The following TUBB2A variants were observed in gnomAD, a reference collection of about 807,000 sequenced individuals.
TUBB2A encodes the protein tubulin beta-2A chain.
In TUBB2A, 7 loss-of-function variants were observed where a neutral mutation model predicts 33.9. The ratio of observed to expected loss-of-function variants is 0.21; its 90% confidence interval spans 0.12 to 0.39. TUBB2A has a LOEUF of 0.39. Among genes scored for constraint, TUBB2A ranks in the 10% least tolerant of loss-of-function variants. TUBB2A has a pLI of 1.00. For synonymous variants in TUBB2A, 187 were observed against 247.6 expected (o/e 0.76, Z 2.30); for missense variants, 80 against 593.4 (o/e 0.13, Z 8.99).
In TUBB2A at chr6:3,153,755, G is replaced by A; in HGVS notation, c.*108C>T. On this transcript the variant is annotated 3_prime_UTR_variant, in exon 4 of 4. Transcript: ENST00000333628. ...AGTTCCACATCATTACATCAACAGTGTGAATTTCTAACAGAGGCAAAACTG... is the reference window on the plus strand; with the variant it reads ...AGTTCCACATCATTACATCAACAGTATGAATTTCTAACAGAGGCAAAACTG... 6.6e-7 allele frequency: 1 copy of A among 1,515,796 alleles called. No homozygotes were observed. The allele number at this position is 1,515,796 out of a possible 1,614,324, so 93.9% of individuals were successfully genotyped here.
In TUBB2A at chr6:3,155,765, G is replaced by C. The variant is rs1285324045; in HGVS notation, c.167-30C>G. The C allele has an allele frequency of 1.3e-6, 2 of 1,570,532 alleles. No homozygotes were observed. Among genetic ancestry groups the C allele is most frequent in the Non-Finnish European group, 1.8e-6 (2 of 1,142,646 alleles). ...AGGAAATAAGAACTGACTCAGGCCTGTGCTTGGGGAGGGACTCACAGCAGC... is the reference window on the plus strand; with the variant it reads ...AGGAAATAAGAACTGACTCAGGCCTCTGCTTGGGGAGGGACTCACAGCAGC... On this transcript the variant is annotated intron_variant, in intron 2 of 3. Transcript: ENST00000333628. The surrounding 1 kb of genome is among the most constrained non-coding windows in gnomAD (Gnocchi z 4.2).
intron 1 of TUBB2A, among the ~76,000 whole-genome samples, chr6:3,157,155 G>A (rs1230583697): frequency 6.6e-6 from 1 of 152,248 alleles, no homozygotes; most frequent in Non-Finnish European, 1.5e-5. Context: ...ATACACCCAG[G>A]GGAATGCCAA....
In TUBB2A at chr6:3,157,529, G is replaced by GGCTGC; in HGVS notation, c.-71_-67dup. 10 of 1,411,020 alleles carry GGCTGC rather than the reference G, an allele frequency of 7.1e-6. No homozygotes were observed. Among genetic ancestry groups the GGCTGC allele is most frequent in the Non-Finnish European group, 8.3e-6 (9 of 1,086,440 alleles). The allele number at this position is 1,411,020 out of a possible 1,614,324, so 87.4% of individuals were successfully genotyped here. ...GTGCGCGGCGTGGACCGGCGGGCTGGGCTGCGCAGAGACCTGCCGCCGCCC... is the reference window on the plus strand; with the variant it reads ...GTGCGCGGCGTGGACCGGCGGGCTGGGCTGCGCTGCGCAGAGACCTGCCGCCGCCC... On this transcript the variant is annotated 5_prime_UTR_variant, in exon 1 of 4. Coordinates refer to ENST00000333628, the MANE Select transcript of TUBB2A (RefSeq NM_001069.3).
At chr6:3,157,155 G>T (rs1230583697) in intron 1 of TUBB2A, among the ~76,000 whole-genome samples, 1 of 152,248 alleles carries the variant, frequency 6.6e-6, no homozygotes, top group Non-Finnish European at 1.5e-5. Context: ...ATACACCCAG[G>T]GGAATGCCAA....
Position 3,155,204 on chromosome 6 carries a change from A to G in TUBB2A, c.278-281T>C. 1 of 824,656 alleles carries G rather than the reference A, an allele frequency of 1.2e-6. No homozygotes were observed. The highest frequency in any genetic ancestry group is 1.8e-6 in the Non-Finnish European group (1 of 547,408). The allele number at this position is 824,656 out of a possible 1,614,324, so 51.1% of individuals were successfully genotyped here. A position where few individuals can be genotyped will look rare whatever the true frequency, so the allele number is the denominator to read the frequency against. ...TGGTTCTGAAATACATACATTTTTA[A>G]GAGGCATTCTCTTTATACTCAACTA... On this transcript the variant is annotated intron_variant, in intron 3 of 3. Coordinates refer to ENST00000333628, the MANE Select transcript of TUBB2A (RefSeq NM_001069.3). This position sits in a 1 kb window ranked among gnomAD's most constrained non-coding sequence, Gnocchi z 4.2.
Position 3,153,804 on chromosome 6 carries a change from A to G in TUBB2A, c.*59T>C, listed in dbSNP as rs1273018772. Reference sequence around the variant, plus strand: ...TGAGCACCATAGTTTACAAGTAGAAAGACCATGCTTGAGGACAACAGAAGT... The same window carrying G: ...TGAGCACCATAGTTTACAAGTAGAAGGACCATGCTTGAGGACAACAGAAGT... On this transcript the variant is annotated 3_prime_UTR_variant, in exon 4 of 4. Transcript: ENST00000333628. 1.5e-5 allele frequency: 24 copies of G among 1,603,986 alleles called. No individual in the cohort carries two copies. Among genetic ancestry groups the G allele is most frequent in the South Asian group, 1.3e-4 (12 of 90,282 alleles).
At position 3,155,686 on chromosome 6, in the gene TUBB2A, G is replaced by A. The variant is rs1054305; in HGVS notation, c.216C>T (p.Thr72=). The change falls in exon 3 of 4, where the codon ACC becomes ACT. Residue 72 remains threonine (T), a synonymous_variant. Transcript: ENST00000333628. This position sits in a 1 kb window ranked among gnomAD's most constrained non-coding sequence, Gnocchi z 4.2. The part of the protein sequence containing the change: ...RAILVDLEPG[T]MDSVRSGPFG... ...AGGGTCCAGACCTGACAGAGTCCATGGTGCCAGGCTCCAGATCCACCAGGA... is the reference window on the plus strand; with the variant it reads ...AGGGTCCAGACCTGACAGAGTCCATAGTGCCAGGCTCCAGATCCACCAGGA... 30 of 1,614,000 alleles carry A rather than the reference G, an allele frequency of 1.9e-5. No individual in the cohort carries two copies. Among genetic ancestry groups the A allele is most frequent in the Non-Finnish European group, 2.5e-5 (29 of 1,180,024 alleles).
rs1168000696 is a variant in TUBB2A at position 3,153,799 on chromosome 6, TAGAA to T, written c.*60_*63del. The T allele has an allele frequency of 2.5e-6, 4 of 1,601,986 alleles. No homozygotes were observed. Among genetic ancestry groups the T allele is most frequent in the South Asian group, 2.2e-5 (2 of 89,858 alleles). ...AAAACTGAGCACCATAGTTTACAAG[TAGAA>T]AGACCATGCTTGAGGACAACAGAAG... On this transcript the variant is annotated 3_prime_UTR_variant, in exon 4 of 4. Coordinates refer to ENST00000333628, the MANE Select transcript of TUBB2A (RefSeq NM_001069.3).
chr6:3,155,066 A>AT lies in TUBB2A; in HGVS notation c.278-144dup. On this transcript the variant is annotated intron_variant, in intron 3 of 3. Coordinates refer to ENST00000333628, the MANE Select transcript of TUBB2A (RefSeq NM_001069.3). This position sits in a 1 kb window ranked among gnomAD's most constrained non-coding sequence, Gnocchi z 4.2. Reference sequence around the variant, plus strand: ...ATACTCTTCTTTTACCTGAAGAAATATTTTTCTATGTCAGTGACCTCAAAA... The same window carrying AT: ...ATACTCTTCTTTTACCTGAAGAAATATTTTTTCTATGTCAGTGACCTCAAAA... 20 of 1,500,494 alleles carry AT rather than the reference A, an allele frequency of 1.3e-5. No homozygotes were observed. The highest frequency in any genetic ancestry group is 1.8e-5 in the Non-Finnish European group (20 of 1,121,852). 92.9% of individuals were successfully genotyped at this position (1,500,494 alleles called of 1,614,324 possible).
chr6:3,155,977 C>G lies in TUBB2A; in HGVS notation c.166+67G>C, dbSNP rs1318672009. 7.0e-7 allele frequency: 1 copy of G among 1,433,244 alleles called. No individual in the cohort carries two copies. The highest frequency in any genetic ancestry group is 1.4e-5 in the African/African-American group (1 of 71,212). The allele number at this position is 1,433,244 out of a possible 1,614,324, so 88.8% of individuals were successfully genotyped here. A position where few individuals can be genotyped will look rare whatever the true frequency, so the allele number is the denominator to read the frequency against. ...GCATGCCTTTGTCACGTGCATGTTCCTGGGACGTTTCATCTCCCACATCAT... is the reference window on the plus strand; with the variant it reads ...GCATGCCTTTGTCACGTGCATGTTCGTGGGACGTTTCATCTCCCACATCAT... On this transcript the variant is annotated intron_variant, in intron 2 of 3. Coordinates refer to ENST00000333628, the MANE Select transcript of TUBB2A (RefSeq NM_001069.3). The surrounding 1 kb of genome is among the most constrained non-coding windows in gnomAD (Gnocchi z 4.2).
rs1233257320 is a variant in TUBB2A, at chr6:3,155,022, G to A, written c.278-99C>T. Reference sequence around the variant, plus strand: ...AGAAGGTAGGACTGGTCTTAGACTGGCAGATTCTTCTCTTTTGAATACTCT... The same window carrying A: ...AGAAGGTAGGACTGGTCTTAGACTGACAGATTCTTCTCTTTTGAATACTCT... On this transcript the variant is annotated intron_variant, in intron 3 of 3. Coordinates refer to ENST00000333628, the MANE Select transcript of TUBB2A (RefSeq NM_001069.3). The surrounding 1 kb of genome is among the most constrained non-coding windows in gnomAD (Gnocchi z 4.2). 1.3e-6 allele frequency: 2 copies of A among 1,558,506 alleles called. No homozygotes were observed. The highest frequency in any genetic ancestry group is 1.4e-5 in the African/African-American group (1 of 73,348).
intron 1 of TUBB2A, among the ~76,000 whole-genome samples, chr6:3,156,816 C>T (rs113401223): frequency 3.3e-5 from 5 of 152,268 alleles, no homozygotes; most frequent in Non-Finnish European, 5.9e-5. Context: ...CTTGTACTGG[C>T]GCCCGCCCCC....
chr6:3,156,479 C>A (rs1275849209), intron 1 of TUBB2A, among the ~76,000 whole-genome samples: 3 of 152,308 alleles, frequency 2.0e-5, no homozygotes, highest in Admixed American at 1.3e-4. Context: ...GGCTGTGTCA[C>A]CCCAGGCAGG....
In TUBB2A at chr6:3,157,334, C is replaced by T. The variant is rs1174976791; in HGVS notation, c.57+73G>A. On this transcript the variant is annotated intron_variant, in intron 1 of 3. Transcript: ENST00000333628. ...CCGGCCAGCCCGGGGCCGCCGCGGC[C>T]TCCAGCCCCCGCCCCGGCCCCAGCC... 6 of 1,318,286 alleles carry T rather than the reference C, an allele frequency of 4.6e-6. No homozygotes were observed. The African/African-American group carries it at 9.4e-5, about 21-fold the overall frequency. 81.7% of individuals were successfully genotyped at this position (1,318,286 alleles called of 1,614,324 possible).
At position 3,156,114 on chromosome 6, in the gene TUBB2A, G is replaced by T. The variant is rs376336514; in HGVS notation, c.96C>A (p.Pro32=). 1 of 1,613,484 alleles carries T rather than the reference G, an allele frequency of 6.2e-7. No homozygotes were observed. The highest frequency in any genetic ancestry group is 1.7e-5 in the Admixed American group (1 of 59,990). Residue 32 remains proline, a synonymous_variant, in exon 2 of 4, where the codon CCC becomes CCA. Coordinates refer to ENST00000333628, the MANE Select transcript of TUBB2A (RefSeq NM_001069.3). ...EVISDEHGID[P]TGSYHGDSDL... is the part of the protein sequence containing the mutation. ...CACTGTCTCCATGGTAACTGCCTGT[G>T]GGGTCGATCCCATGCTCATCGCTGA...
chr6:3,154,004 C>A lies in TUBB2A; in HGVS notation c.1197G>T (p.Thr399=), dbSNP rs771502017. ...FRRKAFLHWY[T]GEGMDEMEFT... ...ACTCCATCTCGTCCATGCCCTCGCC[C>A]GTGTACCAGTGCAGGAAGGCCTTGC... Residue 399 remains threonine (T), a synonymous_variant, in exon 4 of 4, where the codon ACG becomes ACT. Coordinates refer to ENST00000333628, the MANE Select transcript of TUBB2A (RefSeq NM_001069.3). The A allele has an allele frequency of 1.6e-5, 26 of 1,601,216 alleles. 1 individual carries two copies. The highest frequency in any genetic ancestry group is 1.7e-4 in the Middle Eastern group (1 of 5,988).
At chr6:3,156,869 G>GTTTGTAATA (rs1762644240) in intron 1 of TUBB2A, among the ~76,000 whole-genome samples, 1 of 152,296 alleles carries the variant, frequency 6.6e-6, no homozygotes, top group East Asian at 1.9e-4. Context: ...ACAGCGGTCG[G>GTTTGTAATA]TAATTGCAGC....
Position 3,155,344 on chromosome 6 carries a change from A to G in TUBB2A, c.277+281T>C, listed in dbSNP as rs1393855769. ...CCCCTGGCTCTTTGAAGTCCTTTCA[A>G]GTTGCCTATAGCCTATGAAGCCTGG... On this transcript the variant is annotated intron_variant, in intron 3 of 3. Transcript: ENST00000333628. This position sits in a 1 kb window ranked among gnomAD's most constrained non-coding sequence, Gnocchi z 4.2. 6.6e-6 allele frequency among the ~76,000 whole-genome samples: 1 copy of G among 152,212 alleles called. No individual in the cohort carries two copies. The highest frequency in any genetic ancestry group is 2.4e-5 in the African/African-American group (1 of 41,460).
Position 3,155,192 on chromosome 6 carries a change from C to G in TUBB2A, c.278-269G>C, listed in dbSNP as rs1053299931. On this transcript the variant is annotated intron_variant, in intron 3 of 3. Coordinates refer to ENST00000333628, the MANE Select transcript of TUBB2A (RefSeq NM_001069.3). The surrounding 1 kb of genome is among the most constrained non-coding windows in gnomAD (Gnocchi z 4.2). Reference sequence around the variant, plus strand: ...AGAAAACTTAATTGGTTCTGAAATACATACATTTTTAAGAGGCATTCTCTT... The same window carrying G: ...AGAAAACTTAATTGGTTCTGAAATAGATACATTTTTAAGAGGCATTCTCTT... 3 of 884,562 alleles carry G rather than the reference C, an allele frequency of 3.4e-6. No homozygotes were observed. The highest frequency in any genetic ancestry group is 5.0e-6 in the Non-Finnish European group (3 of 601,186). 54.8% of individuals were successfully genotyped at this position (884,562 alleles called of 1,614,324 possible).
Sources: gnomAD v4.1 joint callset for allele counts (sites outside exome capture counted in the v4.1 genomes callset) on GRCh38, gnomAD v4.1.1 for gene constraint, Gnocchi (gnomAD v3.1) non-coding constraint, MANE v1.5 for transcripts, NCBI Gene and HGNC (gene_info 2026-07-23, HGNC 2026-07-21) for gene names.